SLC49A4: variants seen among roughly 807,000 people sequenced by gnomAD.
SLC49A4 encodes the protein solute carrier family 49 member 4.
In SLC49A4, 36 loss-of-function variants were observed where a neutral mutation model predicts 50.6. The observed-to-expected ratio is 0.71, with a 90% CI of 0.55 to 0.94. The LOEUF is 0.94. Among genes scored for constraint, SLC49A4 ranks in the 40% least tolerant of loss-of-function variants. The probability of loss-of-function intolerance (pLI) is 0.00; values close to 1 mark genes in which losing one functional copy is unlikely to be tolerated. For missense variants in SLC49A4, 503 were observed against 605.7 expected, an observed-to-expected ratio of 0.83 and a Z score of 1.78; for synonymous variants, 248 against 241.2, an observed-to-expected ratio of 1.03 and a Z score of -0.26.
chr3:122,844,443 T>C (rs1255318517), intron 4 of SLC49A4, among the ~76,000 whole-genome samples: 1 of 152,122 alleles, frequency 6.6e-6, no homozygotes, highest in Non-Finnish European at 1.5e-5. Flanking sequence ...ACATTGAGAA[T>C]TTTAAACAAT....
intron 7 of SLC49A4, among the ~76,000 whole-genome samples, chr3:122,869,599 C>T (rs1047592891): frequency 5.3e-5 from 8 of 152,070 alleles, no homozygotes; most frequent in Admixed American, 5.2e-4. Flanking sequence ...ATTGCTAGGT[C>T]AAAGAGTAAT....
chr3:122,851,732 C>G (rs1028430029), intron 5 of SLC49A4, among the ~76,000 whole-genome samples: 4 of 152,020 alleles, frequency 2.6e-5, no homozygotes, highest in Non-Finnish European at 5.9e-5. Flanking sequence ...AACTTGTGCT[C>G]TGTTTTCTCT....
At chr3:122,868,943 A>G (rs1937157327) in intron 7 of SLC49A4, among the ~76,000 whole-genome samples, 1 of 152,158 alleles carries the variant, frequency 6.6e-6, no homozygotes, top group South Asian at 2.1e-4. Context: ...ATTCTAACAA[A>G]TGGGAAAATC....
intron 5 of SLC49A4, among the ~76,000 whole-genome samples, chr3:122,846,906 T>C (rs1293355553): frequency 2.6e-5 from 4 of 152,160 alleles, no homozygotes; most frequent in Admixed American, 6.5e-5. Context: ...CCAGAGGACT[T>C]TGGGGGACTC....
intron 7 of SLC49A4, among the ~76,000 whole-genome samples, chr3:122,871,812 T>G (rs1937199917): frequency 6.6e-6 from 1 of 152,136 alleles, no homozygotes; most frequent in African/African-American, 2.4e-5. Flanking sequence ...TATGGTTTGA[T>G]TGGGGATCCT....
intron 1 of SLC49A4, among the ~76,000 whole-genome samples, chr3:122,801,419 C>G (rs1936126297): frequency 6.6e-6 from 1 of 151,978 alleles, no homozygotes; most frequent in Admixed American, 6.6e-5. Flanking sequence ...GTAGAAACCC[C>G]CTCTCTACTA....
intron 6 of SLC49A4, 150 bp from the exon 7 acceptor site, chr3:122,859,925 A>G (rs1160519717): frequency 4.4e-6 from 3 of 689,550 alleles, no homozygotes; most frequent in Non-Finnish European, 6.6e-6. Context: ...GTAACATCAT[A>G]CAAGAAAATT....
intron 1 of SLC49A4, among the ~76,000 whole-genome samples, chr3:122,797,664 G>A (rs911421830): frequency 6.6e-6 from 1 of 152,184 alleles, no homozygotes; most frequent in Non-Finnish European, 1.5e-5. Flanking sequence ...ATTGTTGTTT[G>A]CTTTTAAACT....
chr3:122,871,058 G>A (rs551522322), intron 7 of SLC49A4, among the ~76,000 whole-genome samples: 2 of 152,120 alleles, frequency 1.3e-5, no homozygotes, highest in African/African-American at 2.4e-5. Flanking sequence ...CATTTTAAAT[G>A]GTATTTATCA....
chr3:122,853,284 G>T (rs1936947417), intron 5 of SLC49A4, among the ~76,000 whole-genome samples: 1 of 152,116 alleles, frequency 6.6e-6, no homozygotes. Context: ...CTCTTAATAT[G>T]ATCACTTTAG....
chr3:122,819,844 T>C (rs539550575), intron 2 of SLC49A4, among the ~76,000 whole-genome samples: 3 of 152,202 alleles, frequency 2.0e-5, no homozygotes, highest in Non-Finnish European at 4.4e-5. Context: ...AGTTTTTTTT[T>C]TTTAAAGAAT....
At chr3:122,823,303 T>C (rs975233126) in intron 2 of SLC49A4, among the ~76,000 whole-genome samples, 1 of 152,136 alleles carries the variant, frequency 6.6e-6, no homozygotes, top group Non-Finnish European at 1.5e-5. Flanking sequence ...TTAGATGGAG[T>C]TGGACCTTCA....
In SLC49A4 at chr3:122,848,368, A is replaced by G. The variant is rs140766859; in HGVS notation, c.942+2497A>G. 2.9e-3 allele frequency among the ~76,000 whole-genome samples: 445 copies of G among 152,108 alleles called. 4 individuals carry two copies. Among genetic ancestry groups the G allele is most frequent in the African/African-American group, 0.01 (428 of 41,486 alleles). ...TTTGTCTGTCCCTGCACCAATACCA[A>G]ATTGTGTTATTTATACTAGTGTTAT... On this transcript the variant is annotated intron_variant, in intron 5 of 8. Transcript: ENST00000261038.
chr3:122,853,086 T>C (rs1359342623), intron 5 of SLC49A4, among the ~76,000 whole-genome samples: 1 of 152,234 alleles, frequency 6.6e-6, no homozygotes, highest in African/African-American at 2.4e-5. Flanking sequence ...AATTTATTTC[T>C]CACAGTTCTG....
chr3:122,839,928 TATGCAC>T (rs1207343759), intron 4 of SLC49A4, among the ~76,000 whole-genome samples: 1 of 152,160 alleles, frequency 6.6e-6, no homozygotes, highest in Non-Finnish European at 1.5e-5. Context: ...GAAAAAGACG[TATGCAC>T]ATGCACATAC....
chr3:122,859,163 G>A (rs866323097), intron 6 of SLC49A4, among the ~76,000 whole-genome samples: 4 of 152,312 alleles, frequency 2.6e-5, no homozygotes, highest in Middle Eastern at 3.4e-3. Context: ...GGGCCTTGTT[G>A]AACTGAGACC....
chr3:122,829,949 C>T (rs902886037), intron 3 of SLC49A4, among the ~76,000 whole-genome samples: 1 of 152,082 alleles, frequency 6.6e-6, no homozygotes, highest in African/African-American at 2.4e-5. Flanking sequence ...AGAAAATTAT[C>T]TGGAGTTCAC....
At position 122,795,464 on chromosome 3, in the gene SLC49A4, C is replaced by G; in HGVS notation, c.272C>G (p.Ala91Gly). 1 of 1,606,888 alleles carries G rather than the reference C, an allele frequency of 6.2e-7. No individual in the cohort carries two copies. The highest frequency in any genetic ancestry group is 8.5e-7 in the Non-Finnish European group (1 of 1,179,086). The change falls in exon 1 of 9, where the codon GCG becomes GGG. Residue 91 changes from alanine (A) to glycine (G), a missense_variant. Ala to Gly is a moderately conservative substitution (Grantham distance 60, BLOSUM62 0). Transcript: ENST00000261038. ...QAYGFSSWDI[A>G]LLVLWGPIGF... ...TACGGCTTCTCCAGCTGGGACATCG[C>G]GCTGCTCGTGCTGTGGGGGCCCATC...
intron 2 of SLC49A4, among the ~76,000 whole-genome samples, chr3:122,817,323 C>T (rs778838223): frequency 3.3e-5 from 5 of 152,144 alleles, no homozygotes; most frequent in Non-Finnish European, 7.4e-5. Context: ...ATGCGGGCGG[C>T]CACTACAAGC....
Sources: allele counts gnomAD v4.1 joint callset (sites outside exome capture counted in the v4.1 genomes callset), GRCh38; gene constraint gnomAD v4.1.1; transcripts MANE v1.5; gene names NCBI Gene and HGNC (gene_info 2026-07-23, HGNC 2026-07-21).